PCDH11Y: variants seen among roughly 807,000 people sequenced by gnomAD.
PCDH11Y encodes protocadherin-11 Y-linked.
For missense variants in PCDH11Y, 12 were observed against 224.8 expected (o/e 0.05, Z 6.05); for synonymous variants, 9 against 83.6 (o/e 0.11, Z 4.87).
chrY:5,669,215 A>G, intron 4 of PCDH11Y, among the ~76,000 whole-genome samples: 2 of 32,215 alleles, frequency 6.2e-5, no homozygotes, highest in Non-Finnish European at 1.5e-4. Flanking sequence ...CATATCATAA[A>G]TTATTGTAAA....
rs1569348768 is a variant in PCDH11Y, at chrY:5,602,903, T to C, written c.3352+21105T>C. ...ATATATAAAAATTTATACTTACACA[T>C]ATATATATATATATCCATTAAATTG... On this transcript the variant is annotated intron_variant, in intron 4 of 4. Transcript: ENST00000400457. 9.5e-4 allele frequency among the ~76,000 whole-genome samples: 27 copies of C among 28,456 alleles called. No individual in the cohort carries two copies. The East Asian group carries it at 0.019, about 21-fold the overall frequency. 76.3% of individuals were successfully genotyped at this position (28,456 alleles called of 37,273 possible). A position where few individuals can be genotyped will look rare whatever the true frequency, so the allele number is the denominator to read the frequency against.
At chrY:5,567,173 A>G (rs1602944352) in intron 3 of PCDH11Y, among the ~76,000 whole-genome samples, 1 of 31,721 alleles carries the variant, frequency 3.2e-5, no homozygotes, top group African/African-American at 1.2e-4. Context: ...TATGATCTAC[A>G]TGTCTTCTGA....
chrY:5,190,468 A>G (rs2124648195), intron 2 of PCDH11Y, among the ~76,000 whole-genome samples: 1 of 33,757 alleles, frequency 3.0e-5, no homozygotes, highest in South Asian at 6.5e-4. Flanking sequence ...ATTTTCTCTA[A>G]TTTTTAGAAG....
At chrY:5,136,444 C>T (rs2052840910) in intron 2 of PCDH11Y, among the ~76,000 whole-genome samples, 180 of 32,921 alleles carry the variant, frequency 5.5e-3, no homozygotes, top group African/African-American at 0.021. Context: ...AAAGATCACA[C>T]CAGATCCCCA....
intron 2 of PCDH11Y, among the ~76,000 whole-genome samples, chrY:5,308,948 C>T (rs2053093667): frequency 3.2e-5 from 1 of 30,899 alleles, no homozygotes. Context: ...GGTGTGCTGG[C>T]GCATGCCTGT....
upstream of PCDH11Y, among the ~76,000 whole-genome samples, chrY:5,053,735 A>AT (rs1347274417): frequency 0.082 from 2,693 of 32,695 alleles, no homozygotes; most frequent in Non-Finnish European, 0.029. Context: ...CTATGCAGCC[A>AT]TAAAAAAGGA....
intron 2 of PCDH11Y, among the ~76,000 whole-genome samples, chrY:5,499,316 G>A: frequency 3.0e-5 from 1 of 33,146 alleles, no homozygotes; most frequent in African/African-American, 1.2e-4. Flanking sequence ...AGGCCCAAAG[G>A]AATCCTGTCT....
downstream of PCDH11Y, among the ~76,000 whole-genome samples, chrY:5,108,540 G>T: frequency 3.2e-5 from 1 of 31,123 alleles, no homozygotes; most frequent in Admixed American, 3.0e-4. Context: ...GAGGTCAGGA[G>T]ATCGAGACCA....
At chrY:5,402,021 G>A (rs2124677144) in intron 2 of PCDH11Y, among the ~76,000 whole-genome samples, 3 of 33,394 alleles carry the variant, frequency 9.0e-5, no homozygotes, top group Admixed American at 5.5e-4. Flanking sequence ...ATCTGATATG[G>A]TTTAGCTCTG....
chrY:5,196,385 C>A, intron 2 of PCDH11Y, among the ~76,000 whole-genome samples: 1 of 32,872 alleles, frequency 3.0e-5, no homozygotes, highest in African/African-American at 1.2e-4. Context: ...GAACAAGTAT[C>A]TACATGTAAG....
At chrY:5,352,401 C>A in intron 2 of PCDH11Y, among the ~76,000 whole-genome samples, 3 of 32,748 alleles carry the variant, frequency 9.2e-5, no homozygotes, top group Admixed American at 2.9e-4. Flanking sequence ...TGATTACAGG[C>A]ATAAGCCACC....
chrY:5,401,906 CTTTT>C (rs2053234127), intron 2 of PCDH11Y, among the ~76,000 whole-genome samples: 1 of 33,645 alleles, frequency 3.0e-5, no homozygotes, highest in African/African-American at 1.2e-4. Context: ...TCTTCCTTTT[CTTTT>C]GTTTTAAACT....
chrY:5,229,069 C>T (rs2052964270), intron 2 of PCDH11Y, among the ~76,000 whole-genome samples: 1 of 31,883 alleles, frequency 3.1e-5, no homozygotes, highest in African/African-American at 1.2e-4. Context: ...CTCTCTTTAG[C>T]GCTAATAATA....
intron 3 of PCDH11Y, among the ~76,000 whole-genome samples, chrY:5,506,634 T>C (rs2053359261): frequency 3.1e-5 from 1 of 32,495 alleles, no homozygotes; most frequent in South Asian, 6.8e-4. Flanking sequence ...ATAGTGTCAG[T>C]CCATGGTAGA....
At chrY:5,531,585 T>C in intron 3 of PCDH11Y, among the ~76,000 whole-genome samples, 1 of 33,307 alleles carries the variant, frequency 3.0e-5, no homozygotes, top group African/African-American at 1.2e-4. Context: ...AGTTTTGCTA[T>C]GATTTACTTT....
intron 1 of PCDH11Y, among the ~76,000 whole-genome samples, chrY:5,093,981 C>T (rs2052745851): frequency 3.0e-5 from 1 of 32,930 alleles, no homozygotes; most frequent in Admixed American, 2.7e-4. Flanking sequence ...TATATGAAGG[C>T]GTACCTAGAG....
intron 4 of PCDH11Y, among the ~76,000 whole-genome samples, chrY:5,597,838 G>A: frequency 2.2e-4 from 7 of 32,249 alleles, no homozygotes; most frequent in South Asian, 6.8e-4. Context: ...GGTAGGAGAG[G>A]GGTGAGAAAT....
At chrY:5,035,642 T>C in intron 3 of PCDH11Y, among the ~76,000 whole-genome samples, 1 of 32,739 alleles carries the variant, frequency 3.1e-5, no homozygotes, top group Non-Finnish European at 7.5e-5. Context: ...AATTTAAATA[T>C]TAATTAAGAT....
At chrY:5,210,820 A>C in intron 2 of PCDH11Y, among the ~76,000 whole-genome samples, 2 of 33,330 alleles carry the variant, frequency 6.0e-5, no homozygotes, top group Non-Finnish European at 1.5e-4. Flanking sequence ...AATATCTAAG[A>C]ATTCAAAGTA....
Sources: gnomAD v4.1 joint callset for allele counts (sites outside exome capture counted in the v4.1 genomes callset) on GRCh38, gnomAD v4.1.1 for gene constraint, MANE v1.5 for transcripts, NCBI Gene and HGNC (gene_info 2026-07-23, HGNC 2026-07-21) for gene names.